DGCR2: variants seen among roughly 807,000 people sequenced by gnomAD.
DGCR2 encodes the protein DiGeorge syndrome critical region gene 2.
DGCR2 carries 24 observed loss-of-function variants against 51.6 expected under a neutral mutation model. The ratio of observed to expected loss-of-function variants is 0.47; its 90% CI spans 0.34 to 0.65. The LOEUF (loss-of-function observed/expected upper bound fraction) is 0.65. DGCR2 is among the 30% of genes least tolerant of loss of function. The pLI is 0.01. For synonymous variants in DGCR2, 340 were observed against 315.4 expected (o/e 1.08, Z -0.82); for missense variants, 765 against 772.1 (o/e 0.99, Z 0.11).
At chr22:19,072,799 G>A (rs1001484048) in intron 2 of DGCR2, among the ~76,000 whole-genome samples, 1 of 152,140 alleles carries the variant, frequency 6.6e-6, no homozygotes, top group African/African-American at 2.4e-5. Flanking sequence ...ACTTGAACCC[G>A]GGAGGCAGAG....
chr22:19,060,207 C>CA (rs2082645800), intron 5 of DGCR2, among the ~76,000 whole-genome samples: 1 of 152,254 alleles, frequency 6.6e-6, no homozygotes, highest in African/African-American at 2.4e-5. Flanking sequence ...GCCCCTCCCT[C>CA]ACTGCTGACT....
intron 1 of DGCR2, among the ~76,000 whole-genome samples, chr22:19,095,678 C>A (rs556039116): frequency 0.02 from 2,805 of 139,026 alleles, 87 homozygotes; most frequent in African/African-American, 0.075. Flanking sequence ...AAAAAAAAAA[C>A]AACTCAAATT....
rs761677680 is a variant in DGCR2, at chr22:19,041,880, T to C, written c.1086A>G (p.Ser362=). The C allele has an allele frequency of 6.2e-6, 10 of 1,613,468 alleles. No individual in the cohort carries two copies. The part of the protein sequence containing the change: ...VSCISSFLIL[S]LLLFMVHRLR... ...GCCGGTGGACCATGAAGAGCAGCAG[T>C]GACAGGATGAGGAAGGAGGAGATGC... Residue 362 remains serine (S), a synonymous_variant, in exon 8 of 10, where the codon TCA becomes TCG. Coordinates refer to ENST00000263196, the MANE Select transcript of DGCR2 (RefSeq NM_005137.3).
At chr22:19,058,169 G>C (rs968262918) in intron 5 of DGCR2, among the ~76,000 whole-genome samples, 2 of 152,192 alleles carry the variant, frequency 1.3e-5, no homozygotes, top group South Asian at 2.1e-4. Flanking sequence ...AAGCCAGTGA[G>C]TCTGGAGGCA....
At chr22:19,091,516 A>G (rs1205307806) in intron 1 of DGCR2, among the ~76,000 whole-genome samples, 2 of 152,214 alleles carry the variant, frequency 1.3e-5, no homozygotes, top group Non-Finnish European at 2.9e-5. Context: ...TACAAAAGAA[A>G]CTTCAAAATT....
intron 3 of DGCR2, among the ~76,000 whole-genome samples, chr22:19,066,480 G>A (rs1051317052): frequency 6.6e-6 from 1 of 152,170 alleles, no homozygotes; most frequent in Non-Finnish European, 1.5e-5. Context: ...ATCAGCTCTC[G>A]AGAAGGTGTG....
intron 6 of DGCR2, among the ~76,000 whole-genome samples, chr22:19,054,496 C>G (rs2082580525): frequency 6.6e-6 from 1 of 152,196 alleles, no homozygotes; most frequent in African/African-American, 2.4e-5. Flanking sequence ...ATCAAACACT[C>G]AAAGACAAGT....
intron 1 of DGCR2, among the ~76,000 whole-genome samples, chr22:19,116,415 T>A (rs2083374006): frequency 6.6e-6 from 1 of 152,252 alleles, no homozygotes; most frequent in African/African-American, 2.4e-5. Flanking sequence ...CCAGGACAAC[T>A]GGTAAATCAT....
intron 1 of DGCR2, among the ~76,000 whole-genome samples, chr22:19,105,858 T>A (rs2083256211): frequency 6.6e-6 from 1 of 152,030 alleles, no homozygotes; most frequent in African/African-American, 2.4e-5. Context: ...CCATCTGCCC[T>A]TTTATGGAGT....
At chr22:19,086,680 A>G (rs929326073) in intron 2 of DGCR2, among the ~76,000 whole-genome samples, 1 of 151,954 alleles carries the variant, frequency 6.6e-6, no homozygotes, top group African/African-American at 2.4e-5. Flanking sequence ...TCATGCCTTC[A>G]CTGCTCAGCC....
chr22:19,105,971 T>C (rs2083257557), intron 1 of DGCR2, among the ~76,000 whole-genome samples: 1 of 151,788 alleles, frequency 6.6e-6, no homozygotes, highest in African/African-American at 2.4e-5. Flanking sequence ...GTCTAGCCCC[T>C]TCCCCATCGC....
Position 19,073,567 on chromosome 22 carries a change from G to A in DGCR2, c.203-5342C>T, listed in dbSNP as rs747660684. On this transcript the variant is annotated intron_variant, in intron 2 of 9. Transcript: ENST00000263196. ...GGCAGTGCAATGGTTCAAAAGATAC[G>A]CAAAATTTCCAGGAAGAAAACAAGT... Among the ~76,000 whole-genome samples the A allele has an allele frequency of 7.2e-5, 11 of 152,214 alleles. No individual in the cohort carries two copies. The East Asian group carries it at 7.7e-4, about 11-fold the overall frequency.
At chr22:19,040,949 G>T in intron 9 of DGCR2, 109 bp downstream of exon 9, 1 of 1,009,778 alleles carries the variant, frequency 9.9e-7, no homozygotes, top group Non-Finnish European at 1.4e-6. Context: ...AGACAAAGCC[G>T]GAAAGAAGTG....
At chr22:19,095,899 T>G (rs1601281406) in intron 1 of DGCR2, among the ~76,000 whole-genome samples, 2 of 152,150 alleles carry the variant, frequency 1.3e-5, no homozygotes. Flanking sequence ...CCACCTAACG[T>G]GCTTGCTTCT....
At position 19,041,050 on chromosome 22, in the gene DGCR2, T is replaced by A. The variant is rs2082424758; in HGVS notation, c.1396+8A>T. The A allele has an allele frequency of 1.3e-6, 2 of 1,572,018 alleles. No homozygotes were observed. The highest frequency in any genetic ancestry group is 2.3e-5 in the South Asian group (2 of 85,256). The stretch of plus-strand genomic sequence containing the variant: ...CAAGGTGTTCCCTCTCCCTGGGGAG[T>A]CAGGCACCTGCAGGGTCATAGAACA... On this transcript the variant is annotated splice_region_variant and intron_variant, in intron 9 of 9. Transcript: ENST00000263196.
chr22:19,060,030 G>T (rs1351119174), intron 5 of DGCR2, among the ~76,000 whole-genome samples: 1 of 152,184 alleles, frequency 6.6e-6, no homozygotes, highest in Non-Finnish European at 1.5e-5. Context: ...GGGCTGTCCA[G>T]ATGCTCCCGA....
chr22:19,077,493 C>T (rs5993505), intron 2 of DGCR2, among the ~76,000 whole-genome samples: 62,568 of 152,044 alleles, frequency 0.41, 13,324 homozygotes, highest in African/African-American at 0.53. Flanking sequence ...AATTTGACCA[C>T]TGTATGCAAG....
chr22:19,064,363 TC>T (rs1449411678), intron 4 of DGCR2, among the ~76,000 whole-genome samples: 3 of 152,218 alleles, frequency 2.0e-5, no homozygotes, highest in African/African-American at 7.2e-5. Context: ...GAAAAACAAC[TC>T]CGTCTTGTGA....
chr22:19,092,374 A>G (rs1049400314), intron 1 of DGCR2, among the ~76,000 whole-genome samples: 2 of 152,108 alleles, frequency 1.3e-5, no homozygotes, highest in Non-Finnish European at 2.9e-5. Flanking sequence ...ATCAGAAGAG[A>G]GATGTCATCA....
Sources: allele counts gnomAD v4.1 joint callset (sites outside exome capture counted in the v4.1 genomes callset), GRCh38; gene constraint gnomAD v4.1.1; transcripts MANE v1.5; gene names NCBI Gene and HGNC (gene_info 2026-07-23, HGNC 2026-07-21).